Variants in GDF5 observed in about 807,000 individuals in gnomAD.
The protein encoded by GDF5 is growth/differentiation factor 5.
A neutral mutation model predicts 34.6 loss-of-function variants in GDF5; 17 were observed. The ratio of observed to expected loss-of-function variants is 0.49; its 90% CI spans 0.34 to 0.74. The LOEUF (loss-of-function observed/expected upper bound fraction) is 0.74. Among genes scored for constraint, GDF5 ranks in the 30% least tolerant of loss-of-function variants. GDF5 has a pLI of 0.01. For synonymous variants in GDF5, 332 were observed against 290.7 expected, an observed-to-expected ratio of 1.14 and a Z score of -1.44; for missense variants, 616 against 661.2, an observed-to-expected ratio of 0.93 and a Z score of 0.75.
chr20:35,434,623 C>T lies in GDF5; in HGVS notation c.792G>A (p.Lys264=). 5 of 1,605,146 alleles carry T rather than the reference C, an allele frequency of 3.1e-6. No individual in the cohort carries two copies. Among genetic ancestry groups the T allele is most frequent in the Non-Finnish European group, 4.3e-6 (5 of 1,173,792 alleles). ...APGGGRAAQL[K]LSSCPSGRQP... ...GCCGGCCGCTGGGGCAGCTGGACAG[C>T]TTCAGCTGGGCAGCCCGCCCGCCTC... The change falls in exon 2 of 2, where the codon AAG becomes AAA. Residue 264 remains lysine, a synonymous_variant. Coordinates refer to ENST00000374369, the MANE Select transcript of GDF5 (RefSeq NM_000557.5).
At chr20:35,436,622 T>C (rs922044401) in intron 1 of GDF5, among the ~76,000 whole-genome samples, 2 of 152,154 alleles carry the variant, frequency 1.3e-5, no homozygotes, top group African/African-American at 2.4e-5. Context: ...ATGAGGCATG[T>C]TCAGGACAGC....
At position 35,437,288 on chromosome 20, in the gene GDF5, G is replaced by GC; in HGVS notation, c.631+9dup. ...CTCTGAGCCGTGCCCCTGCCACCCCGCCCCCTCACCTTGCCCTTTGTCAAT... is the reference window on the plus strand; with the variant it reads ...CTCTGAGCCGTGCCCCTGCCACCCCGCCCCCCTCACCTTGCCCTTTGTCAAT... On this transcript the variant is annotated intron_variant, in intron 1 of 1. Coordinates refer to ENST00000374369, the MANE Select transcript of GDF5 (RefSeq NM_000557.5). 5 of 1,497,074 alleles carry GC rather than the reference G, an allele frequency of 3.3e-6. No homozygotes were observed. The highest frequency in any genetic ancestry group is 1.1e-5 in the South Asian group (1 of 88,434). The allele number at this position is 1,497,074 out of a possible 1,614,324, so 92.7% of individuals were successfully genotyped here. A position where few individuals can be genotyped will look rare whatever the true frequency, so the allele number is the denominator to read the frequency against.
At chr20:35,446,108 G>A (rs908926957) in intron 1 of GDF5, among the ~76,000 whole-genome samples, 1 of 152,098 alleles carries the variant, frequency 6.6e-6, no homozygotes, top group Non-Finnish European at 1.5e-5. Context: ...AGGAGTTTGA[G>A]ACCAGCCTGG....
At chr20:35,449,037 A>G (rs2062522739) in intron 1 of GDF5, among the ~76,000 whole-genome samples, 1 of 152,172 alleles carries the variant, frequency 6.6e-6, no homozygotes, top group South Asian at 2.1e-4. Context: ...CAGCAAGAGG[A>G]GTGTCCGGCA....
chr20:35,447,237 T>A (rs910658957), intron 1 of GDF5, among the ~76,000 whole-genome samples: 3 of 151,826 alleles, frequency 2.0e-5, no homozygotes, highest in African/African-American at 7.3e-5. Flanking sequence ...CGGTGTGTGA[T>A]GTTCCCCTTC....
chr20:35,448,640 C>T (rs2062521723), intron 1 of GDF5, among the ~76,000 whole-genome samples: 1 of 151,840 alleles, frequency 6.6e-6, no homozygotes, highest in South Asian at 2.1e-4. Context: ...GACAGGGTTT[C>T]GCCATGTTGG....
At chr20:35,443,043 G>C (rs928859496), upstream of GDF5, among the ~76,000 whole-genome samples, 1 of 152,090 alleles carries the variant, frequency 6.6e-6, no homozygotes, top group African/African-American at 2.4e-5. Flanking sequence ...GGGACTTTGG[G>C]GACATGGAGG....
chr20:35,439,908 CT>C (rs34397706), upstream of GDF5, among the ~76,000 whole-genome samples: 281 of 71,660 alleles, frequency 3.9e-3, no homozygotes, highest in African/African-American at 0.014. Flanking sequence ...AGGCTTCCTT[CT>C]TTTTTTTTTT....
chr20:35,451,042 GA>G (rs1157980088), intron 1 of GDF5, among the ~76,000 whole-genome samples: 8 of 16,514 alleles, frequency 4.8e-4, no homozygotes, highest in South Asian at 4.4e-3. Context: ...TAGACTAACA[GA>G]AAAAAAAAAA....
intron 1 of GDF5, among the ~76,000 whole-genome samples, chr20:35,436,255 G>C (rs1185969350): frequency 6.6e-6 from 1 of 152,118 alleles, no homozygotes; most frequent in Non-Finnish European, 1.5e-5. Context: ...AGGGGTCACA[G>C]CTTTCCCTGG....
intron 1 of GDF5, among the ~76,000 whole-genome samples, chr20:35,445,472 T>C (rs1475901940): frequency 6.6e-6 from 1 of 151,790 alleles, no homozygotes; most frequent in Non-Finnish European, 1.5e-5. Flanking sequence ...GAGACCAGCC[T>C]GGCCAACATG....
At position 35,434,011 on chromosome 20, in the gene GDF5, G is replaced by A. The variant is rs771864352; in HGVS notation, c.1404C>T (p.Pro468=). 6.2e-7 allele frequency: 1 copy of A among 1,614,102 alleles called. No homozygotes were observed. Among genetic ancestry groups the A allele is most frequent in the Non-Finnish European group, 8.5e-7 (1 of 1,179,942 alleles). ...GGATGCTGATGGGACTCAGCCGCGT[G>A]GGCACACAGCAGGTGGGTGGTGTGG... ...PESTPPTCCV[P]TRLSPISILF... Residue 468 remains proline, a synonymous_variant, in exon 2 of 2, where the codon CCC becomes CCT. Coordinates refer to ENST00000374369, the MANE Select transcript of GDF5 (RefSeq NM_000557.5).
intron 1 of GDF5, among the ~76,000 whole-genome samples, chr20:35,436,455 C>T (rs2062473237): frequency 6.6e-6 from 1 of 152,044 alleles, no homozygotes; most frequent in East Asian, 1.9e-4. Flanking sequence ...ACCAACAGCC[C>T]ACCTCCCTCT....
intron 1 of GDF5, among the ~76,000 whole-genome samples, chr20:35,449,867 T>C (rs2062525043): frequency 6.6e-6 from 1 of 151,946 alleles, no homozygotes; most frequent in Non-Finnish European, 1.5e-5. Flanking sequence ...CACAGGCCTA[T>C]AGTCTTAGCT....
At chr20:35,436,105 T>C (rs1183941896) in intron 1 of GDF5, among the ~76,000 whole-genome samples, 1 of 152,168 alleles carries the variant, frequency 6.6e-6, no homozygotes, top group East Asian at 1.9e-4. Flanking sequence ...ATGCCCTCCT[T>C]CCTAAATTGC....
At chr20:35,448,150 C>A (rs1392587259) in intron 1 of GDF5, among the ~76,000 whole-genome samples, 2 of 152,044 alleles carry the variant, frequency 1.3e-5, no homozygotes, top group African/African-American at 2.4e-5. Flanking sequence ...TCACTGGAAA[C>A]CTTGTTGTCA....
At chr20:35,444,437 A>C (rs1271546688) in intron 1 of GDF5, among the ~76,000 whole-genome samples, 1 of 152,142 alleles carries the variant, frequency 6.6e-6, no homozygotes, top group African/African-American at 2.4e-5. Context: ...AAAGGCCCTG[A>C]GGCCTTTGCA....
At chr20:35,450,392 AAG>A (rs1202388317) in intron 1 of GDF5, among the ~76,000 whole-genome samples, 2 of 151,964 alleles carry the variant, frequency 1.3e-5, no homozygotes, top group African/African-American at 4.8e-5. Context: ...GTGAGAAAGA[AAG>A]AGGAAAGTGG....
chr20:35,435,021 G>C (rs766156605), intron 1 of GDF5: 3 of 634,480 alleles, frequency 4.7e-6, no homozygotes, highest in Non-Finnish European at 8.7e-6. Context: ...GATGATTTGC[G>C]TGATTCTGGT....
Sources: gnomAD v4.1 joint callset for allele counts (sites outside exome capture counted in the v4.1 genomes callset) on GRCh38, gnomAD v4.1.1 for gene constraint, MANE v1.5 for transcripts, NCBI Gene and HGNC (gene_info 2026-07-23, HGNC 2026-07-21) for gene names.